Variants in SNRPD1 observed in about 807,000 individuals in gnomAD.
SNRPD1 encodes small nuclear ribonucleoprotein D1 polypeptide.
In SNRPD1, 1 loss-of-function variant was observed where a neutral mutation model predicts 14.4. That is an observed-to-expected ratio of 0.07 (90% CI 0.02 to 0.33). The LOEUF is 0.33. Among genes scored for constraint, SNRPD1 ranks in the 10% least tolerant of loss-of-function variants. The pLI is 1.00. For missense variants in SNRPD1, 52 were observed against 146.4 expected (o/e 0.36, Z 3.33); for synonymous variants, 42 against 50.3 (o/e 0.83, Z 0.70).
At chr18:21,626,733 C>G (rs888329251) in intron 3 of SNRPD1, among the ~76,000 whole-genome samples, 3 of 151,032 alleles carry the variant, frequency 2.0e-5, no homozygotes, top group African/African-American at 7.3e-5. Context: ...TTGTAGTGAC[C>G]CGAGATCGCA....
intron 1 of SNRPD1, among the ~76,000 whole-genome samples, chr18:21,617,391 G>T (rs1217858941): frequency 1.3e-5 from 2 of 152,126 alleles, no homozygotes; most frequent in African/African-American, 4.8e-5. Flanking sequence ...AAATAGATCT[G>T]TTTGCTTGTA....
intron 1 of SNRPD1, among the ~76,000 whole-genome samples, chr18:21,618,685 C>T (rs1268839677): frequency 6.6e-6 from 1 of 151,944 alleles, no homozygotes; most frequent in Non-Finnish European, 1.5e-5. Flanking sequence ...TTGAGAAAAA[C>T]GTTTTCTTGA....
At chr18:21,620,374 T>A (rs568668416) in intron 1 of SNRPD1, among the ~76,000 whole-genome samples, 1 of 152,182 alleles carries the variant, frequency 6.6e-6, no homozygotes, top group Non-Finnish European at 1.5e-5. Context: ...GTGGTGAAAT[T>A]ACAGGCATGA....
chr18:21,616,110 C>T (rs533322382), intron 1 of SNRPD1, among the ~76,000 whole-genome samples: 30 of 152,232 alleles, frequency 2.0e-4, no homozygotes, highest in African/African-American at 4.6e-4. Context: ...CTCAGCCTCC[C>T]GAGTAGCTGG....
intron 1 of SNRPD1, among the ~76,000 whole-genome samples, chr18:21,619,282 C>G (rs1434717585): frequency 6.6e-6 from 1 of 152,090 alleles, no homozygotes; most frequent in African/African-American, 2.4e-5. Flanking sequence ...CAGGCTCAAG[C>G]AATTCTCCTG....
At chr18:21,617,782 C>A (rs533868901) in intron 1 of SNRPD1, among the ~76,000 whole-genome samples, 1 of 151,868 alleles carries the variant, frequency 6.6e-6, no homozygotes, top group South Asian at 2.1e-4. Context: ...GCAGGCAGAT[C>A]ACTTGGGCCA....
At chr18:21,628,112 G>C (rs2039054441) in intron 3 of SNRPD1, among the ~76,000 whole-genome samples, 1 of 152,156 alleles carries the variant, frequency 6.6e-6, no homozygotes, top group Non-Finnish European at 1.5e-5. Context: ...AGGTGCGGTG[G>C]CTCACACCTG....
rs1430481791 is a variant in SNRPD1 at position 21,631,858 on chromosome 18, T to C, written c.*2720T>C. 1 of 152,066 alleles carries C rather than the reference T, an allele frequency of 6.6e-6. No homozygotes were observed. The highest frequency in any genetic ancestry group is 1.5e-5 in the Non-Finnish European group (1 of 68,024). 9.4% of individuals were successfully genotyped at this position (152,066 alleles called of 1,614,324 possible). On this transcript the variant is annotated 3_prime_UTR_variant, in exon 4 of 4. Transcript: ENST00000300413. ...GAAGGCAAAAGGCAAGAGACCCCTGTAATGCAGCAAGTGGAGAGATTTGTT... is the reference window on the plus strand; with the variant it reads ...GAAGGCAAAAGGCAAGAGACCCCTGCAATGCAGCAAGTGGAGAGATTTGTT...
At chr18:21,624,268 A>C (rs940776519) in intron 3 of SNRPD1, among the ~76,000 whole-genome samples, 11 of 151,668 alleles carry the variant, frequency 7.3e-5, no homozygotes, top group Admixed American at 4.0e-4. Context: ...AATCCCAGCT[A>C]CTCGGGAGGC....
chr18:21,621,900 G>T lies in SNRPD1; in HGVS notation c.15-825G>T, dbSNP rs145868798. 5.5e-3 allele frequency among the ~76,000 whole-genome samples: 830 copies of T among 152,170 alleles called. 9 individuals carry two copies. Among genetic ancestry groups the T allele is most frequent in the African/African-American group, 0.019 (783 of 41,514 alleles). ...CCAGCCTCAGTTCTTAGAATGTTTT[G>T]TATGTTGAAATGGAAATATGTCCAA... On this transcript the variant is annotated intron_variant, in intron 1 of 3. Transcript: ENST00000300413.
At chr18:21,613,842 G>A (rs1267136285) in intron 1 of SNRPD1, among the ~76,000 whole-genome samples, 64 of 108,310 alleles carry the variant, frequency 5.9e-4, no homozygotes, top group Middle Eastern at 9.4e-3. Context: ...GCGACAGAGC[G>A]AGACTCCATC....
chr18:21,624,748 G>C (rs1360389364), intron 3 of SNRPD1, among the ~76,000 whole-genome samples: 1 of 151,058 alleles, frequency 6.6e-6, no homozygotes, highest in African/African-American at 2.4e-5. Context: ...GAAAAACAAT[G>C]ATTTAATCTC....
At chr18:21,625,482 A>G (rs1363575302) in intron 3 of SNRPD1, among the ~76,000 whole-genome samples, 1 of 151,364 alleles carries the variant, frequency 6.6e-6, no homozygotes, top group African/African-American at 2.4e-5. Flanking sequence ...ACACCCAGCT[A>G]ATTTTGTATT....
chr18:21,619,494 A>T (rs2038981802), intron 1 of SNRPD1, among the ~76,000 whole-genome samples: 2 of 149,398 alleles, frequency 1.3e-5, no homozygotes, highest in South Asian at 4.4e-4. Flanking sequence ...GACTGTCTTT[A>T]AAAAAAAGGG....
At position 21,630,745 on chromosome 18, in the gene SNRPD1, G is replaced by A. The variant is rs894084077; in HGVS notation, c.*1607G>A. On this transcript the variant is annotated 3_prime_UTR_variant, in exon 4 of 4. Coordinates refer to ENST00000300413, the MANE Select transcript of SNRPD1 (RefSeq NM_006938.4). ...ACTGCACTCCAGCCTGGGCGATGGA[G>A]TGAGACTACGTCTCAAAAAAAAATC... 1 of 149,786 alleles carries A rather than the reference G, an allele frequency of 6.7e-6. No individual in the cohort carries two copies. Among genetic ancestry groups the A allele is most frequent in the Non-Finnish European group, 1.5e-5 (1 of 67,620 alleles). 9.3% of individuals were successfully genotyped at this position (149,786 alleles called of 1,614,324 possible).
chr18:21,614,777 CA>C (rs897203471), intron 1 of SNRPD1, among the ~76,000 whole-genome samples: 1 of 152,116 alleles, frequency 6.6e-6, no homozygotes, highest in Non-Finnish European at 1.5e-5. Context: ...ATTTGATATC[CA>C]AGTTTCACTA....
intron 2 of SNRPD1, 93 bp downstream of exon 2, chr18:21,622,894 G>A (rs1316467442): frequency 1.7e-6 from 1 of 575,322 alleles, no homozygotes; most frequent in African/African-American, 2.0e-5. Flanking sequence ...CATTATTGTA[G>A]TACAAATCCT....
Position 21,630,152 on chromosome 18 carries a change from TCTC to T in SNRPD1, c.*1017_*1019del, listed in dbSNP as rs1025128376. On this transcript the variant is annotated 3_prime_UTR_variant, in exon 4 of 4. Coordinates refer to ENST00000300413, the MANE Select transcript of SNRPD1 (RefSeq NM_006938.4). ...TTATCAGTTATGAGCAGTGTTAAAA[TCTC>T]CTATTAATGTGTAATGTACCTGTCA... 6.6e-6 allele frequency: 1 copy of T among 152,208 alleles called. No homozygotes were observed. Among genetic ancestry groups the T allele is most frequent in the Non-Finnish European group, 1.5e-5 (1 of 68,042 alleles). 9.4% of individuals were successfully genotyped at this position (152,208 alleles called of 1,614,324 possible). A position where few individuals can be genotyped will look rare whatever the true frequency, so the allele number is the denominator to read the frequency against.
At chr18:21,628,463 AT>A (rs2146262957) in intron 3 of SNRPD1, among the ~76,000 whole-genome samples, 1 of 152,308 alleles carries the variant, frequency 6.6e-6, no homozygotes, top group South Asian at 2.1e-4. Context: ...AAATAAGTTT[AT>A]TTGGGTCATG....
Sources: gnomAD v4.1 joint callset for allele counts (sites outside exome capture counted in the v4.1 genomes callset) on GRCh38, gnomAD v4.1.1 for gene constraint, MANE v1.5 for transcripts, NCBI Gene and HGNC (gene_info 2026-07-23, HGNC 2026-07-21) for gene names.